The following SUSD5 variants were observed in gnomAD, a reference collection of about 807,000 sequenced individuals.
SUSD5 encodes sushi domain-containing protein 5.
SUSD5 carries 33 observed loss-of-function variants against 29.5 expected under a neutral mutation model. That is an observed-to-expected ratio of 1.12 (90% CI 0.85 to 1.49). SUSD5 has a LOEUF of 1.49. SUSD5 is among the 40% of genes most tolerant of loss of function. SUSD5 has a pLI of 0.00. For synonymous variants in SUSD5, 308 were observed against 325.3 expected (o/e 0.95, Z 0.57); for missense variants, 776 against 800.6 (o/e 0.97, Z 0.37).
chr3:33,162,420 A>C (rs1328527276), intron 4 of SUSD5, among the ~76,000 whole-genome samples: 2 of 152,228 alleles, frequency 1.3e-5, no homozygotes, highest in African/African-American at 4.8e-5. Context: ...AAGAAATAGA[A>C]GAAGGAGATT....
chr3:33,159,203 G>A (rs1255407259), intron 4 of SUSD5, among the ~76,000 whole-genome samples: 2 of 152,168 alleles, frequency 1.3e-5, no homozygotes, highest in African/African-American at 4.8e-5. Context: ...GTGGTGAGTC[G>A]AAGTGCTTCC....
intron 4 of SUSD5, among the ~76,000 whole-genome samples, chr3:33,157,650 T>G (rs2031084292): frequency 6.6e-6 from 1 of 152,246 alleles, no homozygotes; most frequent in Non-Finnish European, 1.5e-5. Flanking sequence ...TTTTCATCTC[T>G]AGAATCTGGG....
At position 33,150,504 on chromosome 3, in the gene SUSD5, T is replaced by A. The variant is rs1382659754; in HGVS notation, c.*2238A>T. On this transcript the variant is annotated 3_prime_UTR_variant, in exon 5 of 5. Coordinates refer to ENST00000309558, the MANE Select transcript of SUSD5 (RefSeq NM_015551.2). ...TATATAGTTAAAAATAGAAAAGTTA[T>A]CTTGCAGTAGATTAGGATCTAATTT... 1 of 152,214 alleles carries A rather than the reference T, an allele frequency of 6.6e-6. No individual in the cohort carries two copies. Among genetic ancestry groups the A allele is most frequent in the Non-Finnish European group, 1.5e-5 (1 of 68,024 alleles). 9.4% of individuals were successfully genotyped at this position (152,214 alleles called of 1,614,324 possible).
At chr3:33,164,719 G>A (rs1284356948) in intron 4 of SUSD5, among the ~76,000 whole-genome samples, 1 of 152,076 alleles carries the variant, frequency 6.6e-6, no homozygotes, top group Non-Finnish European at 1.5e-5. Context: ...AACTGAATAG[G>A]CACTTCACAA....
At chr3:33,161,945 A>G (rs1171587617) in intron 4 of SUSD5, among the ~76,000 whole-genome samples, 1 of 152,198 alleles carries the variant, frequency 6.6e-6, no homozygotes, top group African/African-American at 2.4e-5. Context: ...AAAGGTAAGA[A>G]TATAGATTTG....
Position 33,218,687 on chromosome 3 carries a change from A to G in SUSD5, c.111T>C (p.Asp37=). ...CCCCGCCGCCTCCCGCACACTCACC[A>G]TCCGCCCGCACCGAAAGGCGCGGCA... ...LGLPRLSVRA[D]GKFFVLESQN... is the part of the protein sequence containing the mutation. The change falls in exon 1 of 5, where the codon GAT becomes GAC. Residue 37 remains aspartate, a splice_region_variant and synonymous_variant. Transcript: ENST00000309558. 2 of 1,302,088 alleles carry G rather than the reference A, an allele frequency of 1.5e-6. No homozygotes were observed. Among genetic ancestry groups the G allele is most frequent in the Non-Finnish European group, 2.0e-6 (2 of 1,024,842 alleles). 80.7% of individuals were successfully genotyped at this position (1,302,088 alleles called of 1,614,324 possible).
intron 3 of SUSD5, among the ~76,000 whole-genome samples, chr3:33,191,318 G>A (rs2031885433): frequency 6.6e-6 from 1 of 151,932 alleles, no homozygotes; most frequent in Non-Finnish European, 1.5e-5. Context: ...TTTTAGTAGA[G>A]ACAAGGTTTC....
At chr3:33,209,047 T>A (rs1328210327) in intron 2 of SUSD5, among the ~76,000 whole-genome samples, 2 of 152,208 alleles carry the variant, frequency 1.3e-5, no homozygotes, top group Non-Finnish European at 2.9e-5. Context: ...AACGTCTTTA[T>A]TTCACCTTTA....
In SUSD5 at chr3:33,167,383, A is replaced by G. The variant is rs992566663; in HGVS notation, c.598+7503T>C. On this transcript the variant is annotated intron_variant, in intron 4 of 4. Transcript: ENST00000309558. The surrounding 1 kb of genome is among the most constrained non-coding windows in gnomAD (Gnocchi z 4.1). ...CCTTGACCTGGACACTTACAGTCTG[A>G]ACTATGTGTGTTTGTTTGTGTGCAT... Among the ~76,000 whole-genome samples the G allele has an allele frequency of 6.6e-6, 1 of 151,622 alleles. No homozygotes were observed. The highest frequency in any genetic ancestry group is 6.6e-5 in the Admixed American group (1 of 15,226).
At chr3:33,203,752 A>G (rs931226787) in intron 3 of SUSD5, among the ~76,000 whole-genome samples, 1 of 152,220 alleles carries the variant, frequency 6.6e-6, no homozygotes, top group Non-Finnish European at 1.5e-5. Flanking sequence ...TTCTGGAGGC[A>G]TGCCCTCGTT....
rs918557761 is a variant in SUSD5 at position 33,153,465 on chromosome 3, T to G, written c.1167A>C (p.Glu389Asp). 5 of 1,613,970 alleles carry G rather than the reference T, an allele frequency of 3.1e-6. No homozygotes were observed. The African/African-American group carries it at 6.7e-5, about 22-fold the overall frequency. The change falls in exon 5 of 5, where the codon GAA becomes GAC. Residue 389 changes from glutamate to aspartate, a missense_variant. Physicochemically the swap from Glu to Asp is conservative, Grantham distance 45. Transcript: ENST00000309558. ...GAWRKTEAEE[E>D]EDGDRGDGSV... is the part of the protein sequence containing the mutation. ...ACCCATCCCCTCTGTCCCCATCTTC[T>G]TCCTCTTCTGCCTCTGTCTTCCTCC...
Position 33,152,936 on chromosome 3 carries a change from C to A in SUSD5, c.1696G>T (p.Gly566Ter). 6.2e-7 allele frequency: 1 copy of A among 1,613,974 alleles called. No individual in the cohort carries two copies. The highest frequency in any genetic ancestry group is 8.5e-7 in the Non-Finnish European group (1 of 1,179,872). ...GGGCCTCTGCTGAGGCCAGGACATCCGTCCCCCACACACGACTCCAAGGTG... is the reference window on the plus strand; with the variant it reads ...GGGCCTCTGCTGAGGCCAGGACATCAGTCCCCCACACACGACTCCAAGGTG... Reference protein sequence around the residue: ...HPTLESCVGDGCPGLSRGPVI... With the variant: ...HPTLESCVGD The change falls in exon 5 of 5, where the codon GGA becomes TGA. Residue 566 changes from glycine (G) to a stop codon, truncating the protein, a stop_gained. Transcript: ENST00000309558. LOFTEE classifies it high-confidence loss of function.
At position 33,167,593 on chromosome 3, in the gene SUSD5, G is replaced by A. The variant is rs2031332152; in HGVS notation, c.598+7293C>T. ...CTGTCTCCCCAGGTTCGCAGGTCAAGGTCCTGACTTAAAAACAGGTTGTCA... is the reference window on the plus strand; with the variant it reads ...CTGTCTCCCCAGGTTCGCAGGTCAAAGTCCTGACTTAAAAACAGGTTGTCA... On this transcript the variant is annotated intron_variant, in intron 4 of 4. Coordinates refer to ENST00000309558, the MANE Select transcript of SUSD5 (RefSeq NM_015551.2). This position sits in a 1 kb window ranked among gnomAD's most constrained non-coding sequence, Gnocchi z 4.1. Among the ~76,000 whole-genome samples the A allele has an allele frequency of 6.6e-6, 1 of 152,182 alleles. No individual in the cohort carries two copies. Among genetic ancestry groups the A allele is most frequent in the Non-Finnish European group, 1.5e-5 (1 of 68,028 alleles).
rs1264168806 is a variant in SUSD5 at position 33,153,130 on chromosome 3, T to C, written c.1502A>G (p.Asn501Ser). 1.2e-6 allele frequency: 2 copies of C among 1,613,826 alleles called. No homozygotes were observed. Residue 501 changes from asparagine to serine, a missense_variant, in exon 5 of 5, where the codon AAC becomes AGC. Asn to Ser is a conservative substitution (Grantham distance 46, BLOSUM62 1). Coordinates refer to ENST00000309558, the MANE Select transcript of SUSD5 (RefSeq NM_015551.2). Reference protein sequence around the residue: ...TSSTLEILTVNTVKQTPNHIP... With the variant: ...TSSTLEILTVSTVKQTPNHIP... ...GTGGTTAGGTGTCTGCTTGACAGTGTTCACTGTTAATATCTCCAGGGTGGA... is the reference window on the plus strand; with the variant it reads ...GTGGTTAGGTGTCTGCTTGACAGTGCTCACTGTTAATATCTCCAGGGTGGA...
At chr3:33,202,151 A>G (rs1015817269) in intron 3 of SUSD5, among the ~76,000 whole-genome samples, 1 of 152,158 alleles carries the variant, frequency 6.6e-6, no homozygotes, top group Non-Finnish European at 1.5e-5. Context: ...GGACAAATAA[A>G]TGAACACATA....
At chr3:33,215,579 T>A (rs2032415488) in intron 1 of SUSD5, among the ~76,000 whole-genome samples, 1 of 152,160 alleles carries the variant, frequency 6.6e-6, no homozygotes, top group Non-Finnish European at 1.5e-5. Context: ...GGTATTATCA[T>A]CCTCATTTTA....
chr3:33,206,412 AGTGTGTGTGTGTGT>A (rs5847777), intron 3 of SUSD5, among the ~76,000 whole-genome samples: 88 of 148,678 alleles, frequency 5.9e-4, no homozygotes, highest in Admixed American at 2.3e-3. Context: ...AATTTACTTG[AGTGTGTGTGTGTGT>A]GTGTGTGTGT....
intron 2 of SUSD5, among the ~76,000 whole-genome samples, chr3:33,211,590 G>T (rs1020602235): frequency 5.3e-5 from 8 of 152,162 alleles, no homozygotes; most frequent in African/African-American, 1.7e-4. Flanking sequence ...CACATTTGGA[G>T]ACATGAGTCA....
chr3:33,194,545 T>C (rs1382481279), intron 3 of SUSD5, among the ~76,000 whole-genome samples: 6 of 152,170 alleles, frequency 3.9e-5, no homozygotes, highest in Non-Finnish European at 5.9e-5. Flanking sequence ...AGGCAGAACA[T>C]GTTTCAAGGA....
Sources: allele counts gnomAD v4.1 joint callset (sites outside exome capture counted in the v4.1 genomes callset), GRCh38; gene constraint gnomAD v4.1.1; non-coding constraint Gnocchi (gnomAD v3.1); transcripts MANE v1.5; gene names NCBI Gene and HGNC (gene_info 2026-07-23, HGNC 2026-07-21).